The following SV2C variants were observed in gnomAD, a reference collection of about 807,000 sequenced individuals.
SV2C encodes the protein solute carrier family 22 member B3.
A neutral mutation model predicts 79.7 loss-of-function variants in SV2C; 49 were observed. That is an observed-to-expected ratio of 0.61 (90% CI 0.49 to 0.78). SV2C has a LOEUF of 0.78. SV2C is among the 30% of genes least tolerant of loss of function. The pLI is 0.00. For synonymous variants in SV2C, 334 were observed against 333.2 expected (o/e 1.00, Z -0.03); for missense variants, 833 against 912.9 (o/e 0.91, Z 1.13).
rs1335600468 is a variant in SV2C at position 76,330,838 on chromosome 5, T to C, written c.*5291T>C. On this transcript the variant is annotated 3_prime_UTR_variant, in exon 13 of 13. Coordinates refer to ENST00000502798, the MANE Select transcript of SV2C (RefSeq NM_014979.4). ...AGGAGCAGAGATAGCCCCATCTCTC[T>C]AGAGCATTTTTTTTTTTTTTTTGGG... is the stretch of plus-strand genomic sequence containing the variant. 4 of 128,368 alleles carry C rather than the reference T, an allele frequency of 3.1e-5. No individual in the cohort carries two copies. Among genetic ancestry groups the C allele is most frequent in the African/African-American group, 1.2e-4 (4 of 33,120 alleles). The allele number at this position is 128,368 out of a possible 1,614,324, so 8.0% of individuals were successfully genotyped here.
chr5:76,224,660 C>G (rs1351261588), intron 4 of SV2C, among the ~76,000 whole-genome samples: 1 of 152,170 alleles, frequency 6.6e-6, no homozygotes, highest in African/African-American at 2.4e-5. Flanking sequence ...GGAGAGAATG[C>G]TTCCCTCATA....
the SV2C span, among the ~76,000 whole-genome samples, chr5:76,028,592 T>C: frequency 3.3e-5 from 5 of 152,300 alleles, no homozygotes; most frequent in South Asian, 4.1e-4. Context: ...CTTTTGAACT[T>C]AGATGCACAT....
chr5:76,067,257 T>C, the SV2C span, among the ~76,000 whole-genome samples: 2 of 151,996 alleles, frequency 1.3e-5, no homozygotes, highest in African/African-American at 4.8e-5. Context: ...TCTTTTTTTT[T>C]CCTTTATAAT....
At chr5:76,344,875 T>C (rs1749510032) in intron 12 of SV2C, among the ~76,000 whole-genome samples, 3 of 152,324 alleles carry the variant, frequency 2.0e-5, no homozygotes, top group South Asian at 2.1e-4. Flanking sequence ...ATTATCCTCA[T>C]TGCATAGATG....
chr5:75,952,256 T>A, the SV2C span, among the ~76,000 whole-genome samples: 2 of 100,966 alleles, frequency 2.0e-5, no homozygotes, highest in African/African-American at 3.9e-5. Context: ...TTTTCCTTCC[T>A]TCCTTCCTTC....
chr5:75,917,673 G>A, the SV2C span, among the ~76,000 whole-genome samples: 1 of 152,180 alleles, frequency 6.6e-6, no homozygotes, highest in African/African-American at 2.4e-5. Flanking sequence ...GCTAGGAAGG[G>A]TAGTGGGAGG....
chr5:76,090,869 G>A (rs186117881), intron 1 of SV2C, among the ~76,000 whole-genome samples: 1 of 152,254 alleles, frequency 6.6e-6, no homozygotes, highest in African/African-American at 2.4e-5. Flanking sequence ...GCTGAGTCAC[G>A]CAGCACGGAA....
At position 76,172,456 on chromosome 5, in the gene SV2C, T is replaced by C. The variant is rs868487527; in HGVS notation, c.581-22463T>C. 6.0e-5 allele frequency among the ~76,000 whole-genome samples: 5 copies of C among 84,026 alleles called. No homozygotes were observed. The Admixed American group carries it at 6.0e-4, about 10-fold the overall frequency. 55.1% of individuals were successfully genotyped at this position (84,026 alleles called of 152,430 possible). A position where few individuals can be genotyped will look rare whatever the true frequency, so the allele number is the denominator to read the frequency against. ...AGCCCCCCCGCCCAGCCAGCCGCCC[T>C]GTCCGGGAGGTGAGGGGCGCCTCTG... On this transcript the variant is annotated intron_variant, in intron 2 of 12. Coordinates refer to ENST00000502798, the MANE Select transcript of SV2C (RefSeq NM_014979.4).
chr5:76,113,734 G>T (rs1280028557), intron 1 of SV2C, among the ~76,000 whole-genome samples: 1 of 152,064 alleles, frequency 6.6e-6, no homozygotes, highest in Non-Finnish European at 1.5e-5. Flanking sequence ...AATACCTCGG[G>T]GAAAGGAACT....
At chr5:76,106,830 T>A (rs1190582908) in intron 1 of SV2C, among the ~76,000 whole-genome samples, 2 of 152,174 alleles carry the variant, frequency 1.3e-5, no homozygotes, top group East Asian at 3.8e-4. Context: ...ATAGCATATA[T>A]CATCTTCGAA....
the SV2C span, among the ~76,000 whole-genome samples, chr5:75,885,657 C>G: frequency 6.6e-6 from 1 of 152,086 alleles, no homozygotes; most frequent in Non-Finnish European, 1.5e-5. Flanking sequence ...TCAAGAAATC[C>G]TCCCACCTCA....
At chr5:75,883,224 C>G in the SV2C span, among the ~76,000 whole-genome samples, 23 of 126,600 alleles carry the variant, frequency 1.8e-4, no homozygotes, top group South Asian at 7.6e-4. Flanking sequence ...GAAATAGGAA[C>G]ACTTTTACAC....
chr5:76,075,680 G>A, the SV2C span: 1 of 345,056 alleles, frequency 2.9e-6, no homozygotes, highest in Non-Finnish European at 6.0e-6. Flanking sequence ...TAACTGACTA[G>A]ATTAGTAAAA....
the SV2C span, among the ~76,000 whole-genome samples, chr5:76,041,682 T>C: frequency 6.6e-6 from 1 of 152,148 alleles, no homozygotes; most frequent in Non-Finnish European, 1.5e-5. Flanking sequence ...CCTCTAGCCT[T>C]GGTCTGAAGG....
intron 2 of SV2C, among the ~76,000 whole-genome samples, chr5:76,155,339 A>G (rs142481493): frequency 2.3e-4 from 35 of 152,312 alleles, no homozygotes; most frequent in South Asian, 1.0e-3. Context: ...CTCAGTTACA[A>G]AGGTGAGAGC....
the SV2C span, among the ~76,000 whole-genome samples, chr5:75,934,573 G>A: frequency 1.3e-5 from 2 of 151,968 alleles, no homozygotes; most frequent in South Asian, 2.1e-4. Context: ...GGCTTTAGCC[G>A]TCGTGCCTGG....
intron 12 of SV2C, among the ~76,000 whole-genome samples, chr5:76,312,745 C>T (rs1748493021): frequency 6.6e-6 from 1 of 152,172 alleles, no homozygotes; most frequent in African/African-American, 2.4e-5. Context: ...TTTTCTTTCC[C>T]CCTTATGCCC....
At chr5:75,929,183 G>A in the SV2C span, among the ~76,000 whole-genome samples, 1 of 151,698 alleles carries the variant, frequency 6.6e-6, no homozygotes, top group East Asian at 1.9e-4. Context: ...CCACACCCCT[G>A]TGTCCAGGGT....
At chr5:75,937,028 G>A in the SV2C span, among the ~76,000 whole-genome samples, 179 of 151,374 alleles carry the variant, frequency 1.2e-3, 2 homozygotes, top group African/African-American at 4.1e-3. Context: ...TTGTCAAAAC[G>A]TTAAACCCTC....
Sources: allele counts gnomAD v4.1 joint callset (sites outside exome capture counted in the v4.1 genomes callset), GRCh38; gene constraint gnomAD v4.1.1; transcripts MANE v1.5; gene names NCBI Gene and HGNC (gene_info 2026-07-23, HGNC 2026-07-21).